Variants in RFX4 observed in about 807,000 individuals in gnomAD.
RFX4 encodes transcription factor RFX4.
In RFX4, 10 loss-of-function variants were observed where a neutral mutation model predicts 95.0. The ratio of observed to expected loss-of-function variants is 0.11; its 90% CI spans 0.06 to 0.18. The LOEUF is 0.18. Ranked by LOEUF, RFX4 falls within the 10% of genes least tolerant of loss-of-function variation. The probability of loss-of-function intolerance (pLI) is 1.00; values close to 1 mark genes in which losing one functional copy is unlikely to be tolerated. For synonymous variants in RFX4, 321 were observed against 340.7 expected (o/e 0.94, Z 0.64); for missense variants, 640 against 922.0 (o/e 0.69, Z 3.96).
chr12:106,641,899 G>A (rs1273739374), intron 3 of RFX4, among the ~76,000 whole-genome samples: 2 of 152,018 alleles, frequency 1.3e-5, no homozygotes, highest in Admixed American at 6.6e-5. Context: ...AGACCAAGAA[G>A]AGGAGCTGAT....
At chr12:106,639,431 T>C (rs762787888) in intron 3 of RFX4, 39 bp downstream of exon 3, 2 of 1,571,208 alleles carry the variant, frequency 1.3e-6, no homozygotes, top group Non-Finnish European at 1.8e-6. Context: ...CTTCAGAGGA[T>C]GCTCATATCT....
At chr12:106,646,431 CAAA>C (rs56305939) in intron 3 of RFX4, among the ~76,000 whole-genome samples, 113 of 66,250 alleles carry the variant, frequency 1.7e-3, no homozygotes, top group African/African-American at 4.9e-3. Flanking sequence ...TAGTTTTATC[CAAA>C]AAAAAAAAAA....
chr12:106,634,935 C>T (rs1020894834), intron 2 of RFX4, among the ~76,000 whole-genome samples: 4 of 152,192 alleles, frequency 2.6e-5, no homozygotes, highest in African/African-American at 9.7e-5. Context: ...TTTTCCCAAC[C>T]AAACTCAAGG....
chr12:106,652,196 C>T (rs1433383056), intron 3 of RFX4, among the ~76,000 whole-genome samples: 1 of 152,172 alleles, frequency 6.6e-6, no homozygotes, highest in Non-Finnish European at 1.5e-5. Flanking sequence ...CTGTTCAGGA[C>T]AGGACCATTG....
intron 4 of RFX4, among the ~76,000 whole-genome samples, chr12:106,663,432 T>A (rs2041114046): frequency 6.6e-6 from 1 of 152,084 alleles, no homozygotes; most frequent in Non-Finnish European, 1.5e-5. Flanking sequence ...TGCTTATTAG[T>A]TCCAGGAGAT....
At chr12:106,688,036 G>A (rs891148392) in intron 6 of RFX4, among the ~76,000 whole-genome samples, 3 of 151,486 alleles carry the variant, frequency 2.0e-5, no homozygotes, top group African/African-American at 4.8e-5. Flanking sequence ...AATAAATTTG[G>A]GGAAGTTTCC....
chr12:106,671,848 G>A (rs1367487308), intron 4 of RFX4, among the ~76,000 whole-genome samples: 1 of 152,046 alleles, frequency 6.6e-6, no homozygotes, highest in Admixed American at 6.6e-5. Context: ...TTTTAGTAGA[G>A]ACAGGGTTTC....
At chr12:106,735,807 TAAAGA>T (rs1555235634) in intron 15 of RFX4, among the ~76,000 whole-genome samples, 1 of 151,966 alleles carries the variant, frequency 6.6e-6, no homozygotes, top group Non-Finnish European at 1.5e-5. Context: ...AACACAAGGA[TAAAGA>T]AAAGTACAGA....
At chr12:106,698,163 G>A (rs2041917389) in intron 8 of RFX4, among the ~76,000 whole-genome samples, 1 of 151,780 alleles carries the variant, frequency 6.6e-6, no homozygotes, top group Non-Finnish European at 1.5e-5. Context: ...TAGTAGAGAC[G>A]GGGTTTCACC....
chr12:106,748,748 A>T (rs775464716), intron 16 of RFX4, among the ~76,000 whole-genome samples: 1 of 152,046 alleles, frequency 6.6e-6, no homozygotes, highest in Non-Finnish European at 1.5e-5. Flanking sequence ...CAGGAGTTCG[A>T]GACCAGCCTG....
intron 2 of RFX4, among the ~76,000 whole-genome samples, chr12:106,632,709 G>C (rs1325103569): frequency 6.6e-6 from 1 of 152,098 alleles, no homozygotes; most frequent in African/African-American, 2.4e-5. Context: ...TTTTGAAATG[G>C]GGTCTTGCCA....
chr12:106,620,056 C>T (rs956499399), intron 2 of RFX4, among the ~76,000 whole-genome samples: 4 of 152,036 alleles, frequency 2.6e-5, no homozygotes, highest in Non-Finnish European at 4.4e-5. Context: ...TTTTAAAGTT[C>T]CTGTCTGATA....
chr12:106,729,912 G>A (rs2042578834), intron 13 of RFX4, among the ~76,000 whole-genome samples: 1 of 152,194 alleles, frequency 6.6e-6, no homozygotes, highest in Admixed American at 6.5e-5. Context: ...CAGTTGGAAA[G>A]TTTAGTTTTA....
intron 10 of RFX4, 153 bp from the exon 11 acceptor site, chr12:106,715,247 G>A: frequency 1.3e-6 from 1 of 782,394 alleles, no homozygotes; most frequent in Non-Finnish European, 2.0e-6. Flanking sequence ...GAGTTACAGA[G>A]TCTTCTGGTG....
chr12:106,612,247 G>A (rs1027209830), intron 2 of RFX4, among the ~76,000 whole-genome samples: 1 of 152,166 alleles, frequency 6.6e-6, no homozygotes, highest in Non-Finnish European at 1.5e-5. Context: ...AACACAGGAT[G>A]TCTTTCCATT....
chr12:106,670,769 G>C (rs778483068), intron 4 of RFX4, among the ~76,000 whole-genome samples: 2 of 152,146 alleles, frequency 1.3e-5, no homozygotes, highest in Non-Finnish European at 2.9e-5. Context: ...GAAGCATTGA[G>C]ATAGGATGTT....
intron 6 of RFX4, 83 bp downstream of exon 6, chr12:106,687,180 TCTCACACACACACACACA>T (rs2041675461): frequency 4.4e-6 from 3 of 682,084 alleles, no homozygotes; most frequent in South Asian, 1.7e-5. Flanking sequence ...TCTCTCTCTC[TCTCACACACACACACACA>T]CACACACACA....
chr12:106,620,790 T>C (rs2040168984), intron 2 of RFX4, among the ~76,000 whole-genome samples: 1 of 152,104 alleles, frequency 6.6e-6, no homozygotes, highest in Non-Finnish European at 1.5e-5. Context: ...AGTCCTTATC[T>C]CAACCACATA....
rs548684366 is a variant in RFX4 at position 106,625,389 on chromosome 12, A to G, written c.131-13943A>G. 8.5e-5 allele frequency among the ~76,000 whole-genome samples: 13 copies of G among 152,332 alleles called. No individual in the cohort carries two copies. The South Asian group carries it at 2.3e-3, about 27-fold the overall frequency. Reference sequence around the variant, plus strand: ...AGTGGGGTCAAGTCCTAAATGCCTGATGGGTGAAGAAACCGAGCAAGAGTG... The same window carrying G: ...AGTGGGGTCAAGTCCTAAATGCCTGGTGGGTGAAGAAACCGAGCAAGAGTG... On this transcript the variant is annotated intron_variant, in intron 2 of 17. Coordinates refer to ENST00000392842, the MANE Select transcript of RFX4 (RefSeq NM_213594.3).
Sources: allele counts gnomAD v4.1 joint callset (sites outside exome capture counted in the v4.1 genomes callset), GRCh38; gene constraint gnomAD v4.1.1; transcripts MANE v1.5; gene names NCBI Gene and HGNC (gene_info 2026-07-23, HGNC 2026-07-21).